The following CDKAL1 variants were observed in gnomAD, a reference collection of about 807,000 sequenced individuals.
CDKAL1 encodes threonylcarbamoyladenosine tRNA methylthiotransferase.
A neutral mutation model predicts 68.2 loss-of-function variants in CDKAL1; 32 were observed. The ratio of observed to expected loss-of-function variants is 0.47; its 90% CI spans 0.35 to 0.63. The LOEUF is 0.63. CDKAL1 is among the 30% of genes least tolerant of loss of function. The pLI, the probability that CDKAL1 is intolerant of heterozygous loss-of-function variation, is 0.00. For missense variants in CDKAL1, 606 were observed against 696.7 expected, an observed-to-expected ratio of 0.87 and a Z score of 1.47; for synonymous variants, 234 against 244.3, an observed-to-expected ratio of 0.96 and a Z score of 0.39.
At chr6:20,961,730 G>A (rs1421147385) in intron 10 of CDKAL1, among the ~76,000 whole-genome samples, 7 of 149,750 alleles carry the variant, frequency 4.7e-5, no homozygotes, top group East Asian at 3.9e-4. Context: ...TCGCACCACC[G>A]CACTCCAGCC....
intron 9 of CDKAL1, among the ~76,000 whole-genome samples, chr6:20,898,029 G>A (rs553706606): frequency 6.6e-6 from 1 of 152,186 alleles, no homozygotes; most frequent in Admixed American, 6.5e-5. Context: ...GCCCTTTAGG[G>A]TACAGTCTTG....
chr6:20,935,727 G>A (rs1040234044), intron 9 of CDKAL1, among the ~76,000 whole-genome samples: 1 of 152,150 alleles, frequency 6.6e-6, no homozygotes, highest in Non-Finnish European at 1.5e-5. Flanking sequence ...ACCATGCCCG[G>A]CCAAAATTAG....
intron 2 of CDKAL1, among the ~76,000 whole-genome samples, chr6:20,536,133 C>T (rs909875793): frequency 2.7e-5 from 4 of 150,430 alleles, no homozygotes; most frequent in African/African-American, 9.8e-5. Flanking sequence ...CGATAGGGTC[C>T]GTGTTGCCTA....
In CDKAL1 at chr6:20,584,685, A is replaced by C. The variant is rs189937255; in HGVS notation, c.286+35980A>C. On this transcript the variant is annotated intron_variant, in intron 4 of 15. Transcript: ENST00000274695. ...ATTTGTTCAATAGAACTTTTGAATAACTTCACTTAGCTAGCTTGTTAGTGC... is the reference window on the plus strand; with the variant it reads ...ATTTGTTCAATAGAACTTTTGAATACCTTCACTTAGCTAGCTTGTTAGTGC... Among the ~76,000 whole-genome samples the C allele has an allele frequency of 8.0e-4, 122 of 152,298 alleles. 2 individuals carry two copies. In the South Asian group the frequency reaches 0.011, roughly 14 times the overall value.
rs116073180 is a variant in CDKAL1, at chr6:20,965,972, C to G, written c.909+10387C>G. ...TCTACGATCCTCTCGGTATTGACTT[C>G]TTTGCTTTAATAGCCTATGAAAGGC... is the stretch of plus-strand genomic sequence containing the variant. On this transcript the variant is annotated intron_variant, in intron 10 of 15. Coordinates refer to ENST00000274695, the MANE Select transcript of CDKAL1 (RefSeq NM_017774.3). 1.6e-3 allele frequency among the ~76,000 whole-genome samples: 250 copies of G among 152,358 alleles called. 1 individual carries two copies. Among genetic ancestry groups the G allele is most frequent in the Admixed American group, 3.9e-3 (60 of 15,312 alleles).
chr6:20,867,605 A>G (rs868044642), intron 9 of CDKAL1, among the ~76,000 whole-genome samples: 1 of 152,132 alleles, frequency 6.6e-6, no homozygotes, highest in African/African-American at 2.4e-5. Flanking sequence ...TTTCAGGCCA[A>G]TTTCAGAACC....
chr6:20,846,538 T>A (rs186445583), intron 9 of CDKAL1, among the ~76,000 whole-genome samples: 4 of 152,356 alleles, frequency 2.6e-5, no homozygotes. Context: ...ATTTTTCATC[T>A]CTTTCTTTGA....
chr6:20,633,225 C>G (rs886137285), intron 4 of CDKAL1, among the ~76,000 whole-genome samples: 16 of 152,198 alleles, frequency 1.1e-4, no homozygotes, highest in Non-Finnish European at 2.1e-4. Context: ...TAGGCAATCA[C>G]CAGTCTACTT....
At chr6:20,730,791 C>T (rs1772884127) in intron 5 of CDKAL1, among the ~76,000 whole-genome samples, 1 of 146,210 alleles carries the variant, frequency 6.8e-6, no homozygotes, top group South Asian at 2.2e-4. Context: ...TTGCAGTGAG[C>T]TGAGATCACA....
chr6:21,199,216 A>G (rs1050105391), intron 14 of CDKAL1, among the ~76,000 whole-genome samples: 2 of 152,216 alleles, frequency 1.3e-5, no homozygotes, highest in Admixed American at 6.5e-5. Flanking sequence ...GTCAGAAGGC[A>G]GGAAAGCAGG....
intron 13 of CDKAL1, among the ~76,000 whole-genome samples, chr6:21,160,120 T>C (rs1477840329): frequency 6.6e-6 from 1 of 152,136 alleles, no homozygotes; most frequent in East Asian, 1.9e-4. Flanking sequence ...TTTGGCAAAA[T>C]AAGCATATTC....
intron 13 of CDKAL1, among the ~76,000 whole-genome samples, chr6:21,115,672 G>C (rs1774368585): frequency 6.6e-6 from 1 of 152,220 alleles, no homozygotes. Context: ...TAGTTGATGA[G>C]ATTCCCTATT....
At chr6:21,003,389 CATATAT>C (rs1205765913) in intron 11 of CDKAL1, among the ~76,000 whole-genome samples, 10 of 101,740 alleles carry the variant, frequency 9.8e-5, no homozygotes, top group African/African-American at 3.0e-4. Flanking sequence ...CACACACACA[CATATAT>C]ACACACATAC....
rs529012183 is a variant in CDKAL1 at position 20,759,450 on chromosome 6, G to A, written c.517+807G>A. ...CCATCTACTCAGGAGGCTGAGGTGG[G>A]AGGATTGCTTGAGGCTGGGAGGTTG... is the stretch of plus-strand genomic sequence containing the variant. On this transcript the variant is annotated intron_variant, in intron 7 of 15. Transcript: ENST00000274695. 9.2e-5 allele frequency among the ~76,000 whole-genome samples: 14 copies of A among 152,268 alleles called. No homozygotes were observed. In the East Asian group the frequency reaches 2.7e-3, roughly 29 times the overall value.
At chr6:20,953,439 T>C (rs1198353187) in intron 9 of CDKAL1, among the ~76,000 whole-genome samples, 2 of 152,238 alleles carry the variant, frequency 1.3e-5, no homozygotes, top group African/African-American at 4.8e-5. Flanking sequence ...TTTTAAAATA[T>C]TCATATTGTG....
At chr6:21,074,168 C>T (rs1771942561) in intron 12 of CDKAL1, among the ~76,000 whole-genome samples, 2 of 152,182 alleles carry the variant, frequency 1.3e-5, no homozygotes, top group Non-Finnish European at 1.5e-5. Context: ...AGAAAAGCCT[C>T]TTCTCCCTCA....
intron 12 of CDKAL1, among the ~76,000 whole-genome samples, chr6:21,093,237 A>G (rs189630698): frequency 2.0e-5 from 3 of 152,226 alleles, no homozygotes; most frequent in African/African-American, 7.2e-5. Context: ...AAACTTACCA[A>G]CAGCACCCAG....
chr6:21,109,673 A>G (rs1430553108), intron 13 of CDKAL1, among the ~76,000 whole-genome samples: 2 of 152,262 alleles, frequency 1.3e-5, no homozygotes, highest in African/African-American at 4.8e-5. Flanking sequence ...GGGTCTGACA[A>G]TGCAGACAGA....
intron 9 of CDKAL1, among the ~76,000 whole-genome samples, chr6:20,859,106 A>T (rs796727348): frequency 3.1e-4 from 47 of 152,228 alleles, no homozygotes; most frequent in African/African-American, 1.1e-3. Flanking sequence ...AAGCTATAAA[A>T]ATAGAAATTT....
Sources: gnomAD v4.1 joint callset for allele counts (sites outside exome capture counted in the v4.1 genomes callset) on GRCh38, gnomAD v4.1.1 for gene constraint, MANE v1.5 for transcripts, NCBI Gene and HGNC (gene_info 2026-07-23, HGNC 2026-07-21) for gene names.